The following SLC16A11 variants were observed in gnomAD, a reference collection of about 807,000 sequenced individuals.
SLC16A11 encodes the protein solute carrier family 16 member 11, also known as monocarboxylate transporter 11.
SLC16A11 carries 24 observed loss-of-function variants against 26.0 expected under a neutral mutation model. The ratio of observed to expected loss-of-function variants is 0.92; its 90% CI spans 0.67 to 1.30. The LOEUF is 1.30. Ranked by LOEUF, SLC16A11 falls within the 50% of genes most tolerant of loss-of-function variation. SLC16A11 has a pLI of 0.00. For synonymous variants in SLC16A11, 332 were observed against 296.0 expected (o/e 1.12, Z -1.25); for missense variants, 638 against 597.7 (o/e 1.07, Z -0.70).
intron 4 of SLC16A11, 42 bp downstream of exon 4, chr17:7,041,954 C>A: frequency 6.2e-7 from 1 of 1,606,488 alleles, no homozygotes; most frequent in Non-Finnish European, 8.5e-7. Flanking sequence ...ACCCCAGGGG[C>A]AGAGGATAGT....
rs1910779023 is a variant in SLC16A11 at position 7,042,255 on chromosome 17, C to T, written c.855G>A (p.Pro285=). The T allele has an allele frequency of 1.9e-6, 3 of 1,578,040 alleles. No homozygotes were observed. The highest frequency in any genetic ancestry group is 2.4e-5 in the East Asian group (1 of 42,204). ...WLADQGWVPL[P]RLLAVFGALT... is the part of the protein sequence containing the mutation. ...GAGCCCCGAATACGGCCAGCAGCCG[C>T]GGGAGGGGCACCCAGCCTTGGTCTG... is the stretch of plus-strand genomic sequence containing the variant. The change falls in exon 4 of 5, where the codon CCG becomes CCA. Residue 285 remains proline (P), a synonymous_variant. Transcript: ENST00000574600. The surrounding 1 kb of genome is among the most constrained non-coding windows in gnomAD (Gnocchi z 5.9).
intron 4 of SLC16A11, 24 bp from the exon 5 acceptor site, chr17:7,041,932 T>C: frequency 1.9e-6 from 3 of 1,610,952 alleles, no homozygotes; most frequent in Non-Finnish European, 2.5e-6. Flanking sequence ...TAAGGGCATT[T>C]AGAAGCCTCG....
At position 7,042,202 on chromosome 17, in the gene SLC16A11, C is replaced by A. The variant is rs1393459925; in HGVS notation, c.908G>T (p.Gly303Val). Residue 303 changes from glycine (G) to valine (V), a missense_variant, in exon 4 of 5, where the codon GGG becomes GTG. Coordinates refer to ENST00000574600, the MANE Select transcript of SLC16A11 (RefSeq NM_001370549.1). This position sits in a 1 kb window ranked among gnomAD's most constrained non-coding sequence, Gnocchi z 5.9. ...ALTGLGLWVV[G>V]LVPVVGGEES... ...TTCGCCGCCCACCACGGGCACCAGC[C>A]CCACCACCCACAGCCCCAGCCCAGT... 6.4e-7 allele frequency: 1 copy of A among 1,571,138 alleles called. No homozygotes were observed. Among genetic ancestry groups the A allele is most frequent in the Admixed American group, 1.8e-5 (1 of 55,714 alleles).
chr17:7,043,559 C>T, intron 1 of SLC16A11, 40 bp from the exon 2 acceptor site: 1 of 1,566,178 alleles, frequency 6.4e-7, no homozygotes, highest in Non-Finnish European at 8.6e-7. Flanking sequence ...AGCCTCCACG[C>T]CTGTGCTTCC....
intron 2 of SLC16A11, 39 bp downstream of exon 2, chr17:7,043,273 C>A (rs1284146655): frequency 6.3e-7 from 1 of 1,579,846 alleles, no homozygotes; most frequent in Non-Finnish European, 8.6e-7. Flanking sequence ...CACGGCTCCT[C>A]CTCCCCGTTC....
chr17:7,043,350 C>T lies in SLC16A11; in HGVS notation c.164G>A (p.Trp55Ter), dbSNP rs778444303. 6.2e-7 allele frequency: 1 copy of T among 1,610,378 alleles called. No individual in the cohort carries two copies. Among genetic ancestry groups the T allele is most frequent in the Admixed American group, 1.7e-5 (1 of 60,002 alleles). ...HFDRSAQDTA[W>*]ISALALAVQQ... Reference sequence around the variant, plus strand: ...CACGGCCAGGGCCAGGGCGCTGATCCACGCAGTGTCCTGGGCGCTTCGGTC... The same window carrying T: ...CACGGCCAGGGCCAGGGCGCTGATCTACGCAGTGTCCTGGGCGCTTCGGTC... The change falls in exon 2 of 5, where the codon TGG (tryptophan) becomes TAG (stop). Residue 55 changes from tryptophan (W) to a stop codon, truncating the protein, a stop_gained. Coordinates refer to ENST00000574600, the MANE Select transcript of SLC16A11 (RefSeq NM_001370549.1). LOFTEE classifies it high-confidence loss of function.
rs566760366 is a variant in SLC16A11, at chr17:7,042,243, G to A, written c.867C>T (p.Ala289=). ...QGWVPLPRLL[A]VFGALTGLGL... The stretch of plus-strand genomic sequence containing the variant: ...CCAGCCCAGTCAGAGCCCCGAATAC[G>A]GCCAGCAGCCGCGGGAGGGGCACCC... Residue 289 remains alanine, a synonymous_variant, in exon 4 of 5, where the codon GCC becomes GCT. Transcript: ENST00000574600. This position sits in a 1 kb window ranked among gnomAD's most constrained non-coding sequence, Gnocchi z 5.9. 5 of 1,580,954 alleles carry A rather than the reference G, an allele frequency of 3.2e-6. No individual in the cohort carries two copies. The highest frequency in any genetic ancestry group is 3.4e-6 in the Non-Finnish European group (4 of 1,164,778).
At position 7,042,240 on chromosome 17, in the gene SLC16A11, T is replaced by TACGGCCAGCAG; in HGVS notation, c.859_869dup (p.Phe291CysfsTer8). 1 of 1,581,536 alleles carries TACGGCCAGCAG rather than the reference T, an allele frequency of 6.3e-7. No homozygotes were observed. The highest frequency in any genetic ancestry group is 8.6e-7 in the Non-Finnish European group (1 of 1,165,060). ...GCCCCAGCCCAGTCAGAGCCCCGAATACGGCCAGCAGCCGCGGGAGGGGCA... is the reference window on the plus strand; with the variant it reads ...GCCCCAGCCCAGTCAGAGCCCCGAATACGGCCAGCAGACGGCCAGCAGCCGCGGGAGGGGCA... On this transcript the variant is annotated frameshift_variant, in exon 4 of 5. Coordinates refer to ENST00000574600, the MANE Select transcript of SLC16A11 (RefSeq NM_001370549.1). LOFTEE classifies it high-confidence loss of function. The surrounding 1 kb of genome is among the most constrained non-coding windows in gnomAD (Gnocchi z 5.9).
Position 7,041,778 on chromosome 17 carries a change from T to A in SLC16A11, c.1245A>T (p.Pro415=). 2 of 1,613,546 alleles carry A rather than the reference T, an allele frequency of 1.2e-6. No individual in the cohort carries two copies. The highest frequency in any genetic ancestry group is 8.5e-7 in the Non-Finnish European group (1 of 1,179,932). ...ALPSCGPASP[P]ATPPPETGEL... is the part of the protein sequence containing the mutation. ...CCCCCGTCTCTGGGGGAGGCGTGGC[T>A]GGAGGGGAGGCTGGACCACAGGAGG... The change falls in exon 5 of 5, where the codon CCA becomes CCT. Residue 415 remains proline, a synonymous_variant. Coordinates refer to ENST00000574600, the MANE Select transcript of SLC16A11 (RefSeq NM_001370549.1).
At position 7,043,439 on chromosome 17, in the gene SLC16A11, G is replaced by A. The variant is rs779367151; in HGVS notation, c.75C>T (p.Asn25=). The A allele has an allele frequency of 6.3e-7, 1 of 1,599,728 alleles. No homozygotes were observed. Among genetic ancestry groups the A allele is most frequent in the Admixed American group, 1.7e-5 (1 of 58,750 alleles). Reference sequence around the variant, plus strand: ...AGCGCAGCAGCCCGTAGGACAGCCCGTTTATCGCGAAGGCTGCGGCCGCCA... The same window carrying A: ...AGCGCAGCAGCCCGTAGGACAGCCCATTTATCGCGAAGGCTGCGGCCGCCA... ...WVVAAAAFAI[N]GLSYGLLRSL... The change falls in exon 2 of 5, where the codon AAC becomes AAT. Residue 25 remains asparagine, a synonymous_variant. Transcript: ENST00000574600.
Position 7,042,882 on chromosome 17 carries a change from C to T in SLC16A11, c.346+48G>A. On this transcript the variant is annotated intron_variant, in intron 3 of 4. Coordinates refer to ENST00000574600, the MANE Select transcript of SLC16A11 (RefSeq NM_001370549.1). This position sits in a 1 kb window ranked among gnomAD's most constrained non-coding sequence, Gnocchi z 5.9. ...CGCTACCCCAGATCCCAACAAGCTCCTGTCACCTCCTTCACCCTGAATGAC... is the reference window on the plus strand; with the variant it reads ...CGCTACCCCAGATCCCAACAAGCTCTTGTCACCTCCTTCACCCTGAATGAC... 6.2e-7 allele frequency: 1 copy of T among 1,610,994 alleles called. No individual in the cohort carries two copies. The highest frequency in any genetic ancestry group is 8.5e-7 in the Non-Finnish European group (1 of 1,179,116).
Position 7,042,616 on chromosome 17 carries a change from T to A in SLC16A11, c.494A>T (p.Asp165Val), listed in dbSNP as rs1346651796. 2.2e-5 allele frequency: 35 copies of A among 1,584,006 alleles called. No homozygotes were observed. The highest frequency in any genetic ancestry group is 1.7e-4 in the Middle Eastern group (1 of 5,828). ...LLAPALQLLL[D>V]TFGWRGALLL... ...CAGAGCGCCCCGCCAGCCGAAAGTA[T>A]CGAGAAGAAGCTGCAAGGCGGGCGC... Residue 165 changes from aspartate to valine, a missense_variant, in exon 4 of 5, where the codon GAT becomes GTT. Physicochemically the swap from Asp to Val is radical, Grantham distance 152 (BLOSUM62 -3). Coordinates refer to ENST00000574600, the MANE Select transcript of SLC16A11 (RefSeq NM_001370549.1). This position sits in a 1 kb window ranked among gnomAD's most constrained non-coding sequence, Gnocchi z 5.9.
chr17:7,042,804 C>T lies in SLC16A11; in HGVS notation c.347-41G>A, dbSNP rs564998194. On this transcript the variant is annotated intron_variant, in intron 3 of 4. Coordinates refer to ENST00000574600, the MANE Select transcript of SLC16A11 (RefSeq NM_001370549.1). The surrounding 1 kb of genome is among the most constrained non-coding windows in gnomAD (Gnocchi z 5.9). ...AGGGGATGGGGGCCGGCACTGGGGACGCCCGCCCCAGCATTCCCAGCCCGG... is the reference window on the plus strand; with the variant it reads ...AGGGGATGGGGGCCGGCACTGGGGATGCCCGCCCCAGCATTCCCAGCCCGG... 8 of 1,548,558 alleles carry T rather than the reference C, an allele frequency of 5.2e-6. No homozygotes were observed. In the South Asian group the frequency reaches 5.9e-5, roughly 11 times the overall value.
Position 7,042,313 on chromosome 17 carries a change from T to TC in SLC16A11, c.796dup (p.Asp266GlyfsTer112), listed in dbSNP as rs767171223. On this transcript the variant is annotated frameshift_variant, in exon 4 of 5. Coordinates refer to ENST00000574600, the MANE Select transcript of SLC16A11 (RefSeq NM_001370549.1). LOFTEE classifies it high-confidence loss of function. The surrounding 1 kb of genome is among the most constrained non-coding windows in gnomAD (Gnocchi z 5.9). ...CCCGCAGACCAGCCGGGCGCCCGCA[T>TC]CCCCCATCGCAGCCACGGCCACCAC... is the stretch of plus-strand genomic sequence containing the variant. 6 of 1,546,856 alleles carry TC rather than the reference T, an allele frequency of 3.9e-6. No individual in the cohort carries two copies. In the African/African-American group the frequency reaches 8.2e-5, roughly 21 times the overall value.
In SLC16A11 at chr17:7,042,478, C is replaced by CCGAGGGCAGCTAGGGGACTA; in HGVS notation, c.612_631dup (p.Gly211ValfsTer4). 1 of 1,558,194 alleles carries CCGAGGGCAGCTAGGGGACTA rather than the reference C, an allele frequency of 6.4e-7. No homozygotes were observed. Among genetic ancestry groups the CCGAGGGCAGCTAGGGGACTA allele is most frequent in the Non-Finnish European group, 8.7e-7 (1 of 1,150,856 alleles). On this transcript the variant is annotated stop_gained and frameshift_variant, in exon 4 of 5. Coordinates refer to ENST00000574600, the MANE Select transcript of SLC16A11 (RefSeq NM_001370549.1). LOFTEE classifies it high-confidence loss of function. The surrounding 1 kb of genome is among the most constrained non-coding windows in gnomAD (Gnocchi z 5.9). Reference sequence around the variant, plus strand: ...GGCCCGGCGTGTGAACAGACTCAGGCCGAGGGCAGCTAGGGGACTACGCGG... The same window carrying CCGAGGGCAGCTAGGGGACTA: ...GGCCCGGCGTGTGAACAGACTCAGGCCGAGGGCAGCTAGGGGACTACGAGGGCAGCTAGGGGACTACGCGG...
At position 7,042,556 on chromosome 17, in the gene SLC16A11, G is replaced by C. The variant is rs368694318; in HGVS notation, c.554C>G (p.Pro185Arg). 8.9e-6 allele frequency: 14 copies of C among 1,580,294 alleles called. No individual in the cohort carries two copies. The highest frequency in any genetic ancestry group is 3.5e-5 in the South Asian group (3 of 86,554). The stretch of plus-strand genomic sequence containing the variant: ...CAGGGGTAGCAGCAGGGCGCCACAG[G>C]GGGTGAGGTGGAGGGTGATCGCGCC... ...LLGAITLHLTPCGALLLPLVL... is the reference protein window; with the variant it reads ...LLGAITLHLTRCGALLLPLVL... Residue 185 changes from proline (P) to arginine (R), a missense_variant, in exon 4 of 5, where the codon CCC becomes CGC. Physicochemically the swap from Pro to Arg is moderately radical, Grantham distance 103. Coordinates refer to ENST00000574600, the MANE Select transcript of SLC16A11 (RefSeq NM_001370549.1). The surrounding 1 kb of genome is among the most constrained non-coding windows in gnomAD (Gnocchi z 5.9).
chr17:7,043,896 T>G lies in SLC16A11; in HGVS notation c.-128A>C. On this transcript the variant is annotated 5_prime_UTR_variant, in exon 1 of 5. Transcript: ENST00000574600. ...GCGAGGGCAGCGATGGAGCCCAACT[T>G]GGACGGGCTCTCTCGGTAAACAGAG... The G allele has an allele frequency of 5.9e-6, 2 of 339,298 alleles. No individual in the cohort carries two copies. Among genetic ancestry groups the G allele is most frequent in the Non-Finnish European group, 1.1e-5 (2 of 186,366 alleles). 21.0% of individuals were successfully genotyped at this position (339,298 alleles called of 1,614,324 possible).
Position 7,042,051 on chromosome 17 carries a change from T to G in SLC16A11, c.1059A>C (p.Thr353=). 1 of 1,600,466 alleles carries G rather than the reference T, an allele frequency of 6.2e-7. No homozygotes were observed. The highest frequency in any genetic ancestry group is 1.1e-5 in the South Asian group (1 of 89,594). Residue 353 remains threonine, a synonymous_variant, in exon 4 of 5, where the codon ACA becomes ACC. Transcript: ENST00000574600. The surrounding 1 kb of genome is among the most constrained non-coding windows in gnomAD (Gnocchi z 5.9). ...GGCTCATCAGCATCATCACCAGCCCTGTGGCCTGCACCACACCTCCGACGC... is the reference window on the plus strand; with the variant it reads ...GGCTCATCAGCATCATCACCAGCCCGGTGGCCTGCACCACACCTCCGACGC... ...LVGVGGVVQA[T]GLVMMLMSLG... is the part of the protein sequence containing the mutation.
At position 7,043,491 on chromosome 17, in the gene SLC16A11, G is replaced by A; in HGVS notation, c.23C>T (p.Pro8Leu). 1.3e-6 allele frequency: 2 copies of A among 1,598,646 alleles called. No individual in the cohort carries two copies. Among genetic ancestry groups the A allele is most frequent in the South Asian group, 1.1e-5 (1 of 90,820 alleles). The change falls in exon 2 of 5, where the codon CCC (proline) becomes CTC (leucine). Residue 8 changes from proline (P) to leucine (L), a missense_variant. Transcript: ENST00000574600. The part of the protein sequence containing the change: MTPQPAG[P>L]PDGGWGWVVA... ...CACCCAGCCCCAGCCCCCATCCGGG[G>A]GTCCGGCGGGCTGGGGGGTCATCGC...
Sources: gnomAD v4.1 joint callset for allele counts on GRCh38, gnomAD v4.1.1 for gene constraint, Gnocchi (gnomAD v3.1) non-coding constraint, MANE v1.5 for transcripts, NCBI Gene and HGNC (gene_info 2026-07-23, HGNC 2026-07-21) for gene names.